The following NEURL1B variants were observed in gnomAD, a reference collection of about 807,000 sequenced individuals.
The protein encoded by NEURL1B is neuralized E3 ubiquitin protein ligase 1B.
A neutral mutation model predicts 37.4 loss-of-function variants in NEURL1B; 13 were observed. The observed-to-expected ratio is 0.35, with a 90% CI of 0.23 to 0.55. NEURL1B has a LOEUF of 0.55. Ranked by LOEUF, NEURL1B falls within the 20% of genes least tolerant of loss-of-function variation. NEURL1B has a pLI of 0.89. For synonymous variants in NEURL1B, 432 were observed against 426.6 expected (o/e 1.01, Z -0.16); for missense variants, 790 against 879.2 (o/e 0.90, Z 1.28).
At chr5:172,662,821 C>T (rs1757926963) in intron 1 of NEURL1B, among the ~76,000 whole-genome samples, 1 of 147,166 alleles carries the variant, frequency 6.8e-6, no homozygotes, top group Non-Finnish European at 1.5e-5. Context: ...CACTCATCAC[C>T]CACCCTCCAA....
chr5:172,651,304 G>A (rs538267717), intron 1 of NEURL1B, among the ~76,000 whole-genome samples: 1 of 152,268 alleles, frequency 6.6e-6, no homozygotes, highest in African/African-American at 2.4e-5. Flanking sequence ...GTTTTTATGA[G>A]CCTTTGCATC....
rs1055447159 is a variant in NEURL1B at position 172,675,270 on chromosome 5, AC to A, written c.577+4943del. On this transcript the variant is annotated intron_variant, in intron 2 of 4. Transcript: ENST00000369800. The surrounding 1 kb of genome is among the most constrained non-coding windows in gnomAD (Gnocchi z 4.7). ...TTATTCTGTTTTTCTTTTTCCACTC[AC>A]CCTTCTTTAGGATCTATCTGTACTG... Among the ~76,000 whole-genome samples the A allele has an allele frequency of 1.6e-4, 25 of 151,736 alleles. No homozygotes were observed. Among genetic ancestry groups the A allele is most frequent in the African/African-American group, 6.1e-4 (25 of 41,270 alleles).
intron 2 of NEURL1B, among the ~76,000 whole-genome samples, chr5:172,673,638 G>A (rs773048740): frequency 1.3e-5 from 2 of 152,052 alleles, no homozygotes; most frequent in Non-Finnish European, 2.9e-5. Context: ...CACTCTTGTT[G>A]CTCAGGCTGG....
At chr5:172,681,390 C>T (rs1326282670) in intron 2 of NEURL1B, among the ~76,000 whole-genome samples, 1 of 152,200 alleles carries the variant, frequency 6.6e-6, no homozygotes, top group Non-Finnish European at 1.5e-5. Context: ...ATGATACAGA[C>T]AGATGTAGAC....
rs2113317527 is a variant in NEURL1B, at chr5:172,676,208, GA to G, written c.577+5880del. ...GTCTCATGTGGCTGAAAATTCCTGG[GA>G]ATGGTTGCCTTTAAGCCTGGCTCAA... On this transcript the variant is annotated intron_variant, in intron 2 of 4. Coordinates refer to ENST00000369800, the MANE Select transcript of NEURL1B (RefSeq NM_001142651.3). The surrounding 1 kb of genome is among the most constrained non-coding windows in gnomAD (Gnocchi z 4.5). Among the ~76,000 whole-genome samples, 1 of 151,966 alleles carries G rather than the reference GA, an allele frequency of 6.6e-6. No homozygotes were observed. Among genetic ancestry groups the G allele is most frequent in the East Asian group, 1.9e-4 (1 of 5,180 alleles).
rs1459074928 is a variant in NEURL1B at position 172,686,619 on chromosome 5, C to T, written c.1424-62C>T. On this transcript the variant is annotated intron_variant, in intron 4 of 4. Coordinates refer to ENST00000369800, the MANE Select transcript of NEURL1B (RefSeq NM_001142651.3). The surrounding 1 kb of genome is among the most constrained non-coding windows in gnomAD (Gnocchi z 7.9). ...AAGAAGCCCTGCATTCTCGGGGTTG[C>T]CCCAACAGAGCCCACCTGAGAGAGA... 10 of 1,509,554 alleles carry T rather than the reference C, an allele frequency of 6.6e-6. No individual in the cohort carries two copies. The highest frequency in any genetic ancestry group is 8.9e-6 in the Non-Finnish European group (10 of 1,119,048). 93.5% of individuals were successfully genotyped at this position (1,509,554 alleles called of 1,614,324 possible). A position where few individuals can be genotyped will look rare whatever the true frequency, so the allele number is the denominator to read the frequency against.
rs529582054 is a variant in NEURL1B at position 172,683,891 on chromosome 5, A to G, written c.1050A>G (p.Leu350=). Residue 350 remains leucine (L), a synonymous_variant, in exon 3 of 5, where the codon CTA becomes CTG. Transcript: ENST00000369800. This position sits in a 1 kb window ranked among gnomAD's most constrained non-coding sequence, Gnocchi z 5.6. ...FGITSCDPGV[L]RPNELPADPD... Reference sequence around the variant, plus strand: ...TCACGTCGTGCGACCCGGGCGTGCTACGGCCCAACGAGCTGCCCGCCGACC... The same window carrying G: ...TCACGTCGTGCGACCCGGGCGTGCTGCGGCCCAACGAGCTGCCCGCCGACC... The G allele has an allele frequency of 8.7e-4, 1,226 of 1,411,914 alleles. 8 individuals carry two copies. In the African/African-American group the frequency reaches 0.016, roughly 18 times the overall value. The allele number at this position is 1,411,914 out of a possible 1,614,324, so 87.5% of individuals were successfully genotyped here. A position where few individuals can be genotyped will look rare whatever the true frequency, so the allele number is the denominator to read the frequency against.
At position 172,686,043 on chromosome 5, in the gene NEURL1B, A is replaced by G; in HGVS notation, c.1298-128A>G. 1 of 1,126,784 alleles carries G rather than the reference A, an allele frequency of 8.9e-7. No homozygotes were observed. The highest frequency in any genetic ancestry group is 1.2e-6 in the Non-Finnish European group (1 of 806,236). The allele number at this position is 1,126,784 out of a possible 1,614,324, so 69.8% of individuals were successfully genotyped here. On this transcript the variant is annotated intron_variant, in intron 3 of 4. Transcript: ENST00000369800. This position sits in a 1 kb window ranked among gnomAD's most constrained non-coding sequence, Gnocchi z 7.9. Reference sequence around the variant, plus strand: ...GGATGCACTCTTCACTCCTCAGCAGAACCCTGGGAGATACCTCTGGTCCTC... The same window carrying G: ...GGATGCACTCTTCACTCCTCAGCAGGACCCTGGGAGATACCTCTGGTCCTC...
intron 1 of NEURL1B, among the ~76,000 whole-genome samples, chr5:172,652,583 G>C (rs544069657): frequency 6.6e-6 from 1 of 152,288 alleles, no homozygotes; most frequent in East Asian, 1.9e-4. Flanking sequence ...GACCAACTAC[G>C]GCATAAAAGC....
chr5:172,655,379 C>A (rs1414866077), intron 1 of NEURL1B, among the ~76,000 whole-genome samples: 1 of 152,180 alleles, frequency 6.6e-6, no homozygotes, highest in Non-Finnish European at 1.5e-5. Context: ...CCTTTGCACA[C>A]TTCCCACTTG....
chr5:172,642,345 C>G (rs1757480368), intron 1 of NEURL1B, among the ~76,000 whole-genome samples: 2 of 152,222 alleles, frequency 1.3e-5, no homozygotes, highest in African/African-American at 4.8e-5. Context: ...GGACCTGTGT[C>G]TCTCTGCCCT....
At position 172,686,164 on chromosome 5, in the gene NEURL1B, G is replaced by A. The variant is rs1758491253; in HGVS notation, c.1298-7G>A. The stretch of plus-strand genomic sequence containing the variant: ...ACTGCCCCTGATGGAATCTCTTTGG[G>A]CCTCAGGTACCCTGCAGTCCAGCCC... On this transcript the variant is annotated splice_polypyrimidine_tract_variant and splice_region_variant and intron_variant, in intron 3 of 4. Transcript: ENST00000369800. This position sits in a 1 kb window ranked among gnomAD's most constrained non-coding sequence, Gnocchi z 7.9. The A allele has an allele frequency of 2.6e-6, 4 of 1,551,406 alleles. No individual in the cohort carries two copies. Among genetic ancestry groups the A allele is most frequent in the Non-Finnish European group, 3.5e-6 (4 of 1,146,872 alleles).
At position 172,641,451 on chromosome 5, in the gene NEURL1B, C is replaced by G. The variant is rs1757457784; in HGVS notation, c.31+14C>G. On this transcript the variant is annotated intron_variant, in intron 1 of 4. Coordinates refer to ENST00000369800, the MANE Select transcript of NEURL1B (RefSeq NM_001142651.3). The surrounding 1 kb of genome is among the most constrained non-coding windows in gnomAD (Gnocchi z 6.4). ...GGACCCTGCCAGGTACGCCGGGGAG[C>G]CCTGCCCGGGAGGCGGGCGCCGGGC... 2 of 1,315,638 alleles carry G rather than the reference C, an allele frequency of 1.5e-6. No homozygotes were observed. The highest frequency in any genetic ancestry group is 1.5e-5 in the African/African-American group (1 of 64,806). 81.5% of individuals were successfully genotyped at this position (1,315,638 alleles called of 1,614,324 possible).
intron 2 of NEURL1B, among the ~76,000 whole-genome samples, chr5:172,680,162 C>G (rs1758320838): frequency 6.6e-6 from 1 of 152,194 alleles, no homozygotes; most frequent in Non-Finnish European, 1.5e-5. Context: ...TAGTGCCATG[C>G]TCTGTATTAC....
At position 172,683,458 on chromosome 5, in the gene NEURL1B, G is replaced by T; in HGVS notation, c.617G>T (p.Ser206Ile). 1 of 1,470,738 alleles carries T rather than the reference G, an allele frequency of 6.8e-7. No individual in the cohort carries two copies. The highest frequency in any genetic ancestry group is 9.0e-7 in the Non-Finnish European group (1 of 1,114,394). The allele number at this position is 1,470,738 out of a possible 1,614,324, so 91.1% of individuals were successfully genotyped here. A position where few individuals can be genotyped will look rare whatever the true frequency, so the allele number is the denominator to read the frequency against. ...FADTLTPARL[S>I]QARFSACLPP... ...GACACGCTGACGCCCGCGCGCCTCA[G>T]CCAGGCCCGCTTCAGCGCCTGCCTG... Residue 206 changes from serine (S) to isoleucine (I), a missense_variant, in exon 3 of 5, where the codon AGC becomes ATC. Physicochemically the swap from Ser to Ile is moderately radical, Grantham distance 142. Transcript: ENST00000369800. This position sits in a 1 kb window ranked among gnomAD's most constrained non-coding sequence, Gnocchi z 5.6.
chr5:172,672,540 T>TA (rs146841497), intron 2 of NEURL1B, among the ~76,000 whole-genome samples: 3 of 136,202 alleles, frequency 2.2e-5, no homozygotes, highest in African/African-American at 8.3e-5. Context: ...AGGTGAACTC[T>TA]CCCCCCCCCA....
chr5:172,673,279 G>A (rs1407346172), intron 2 of NEURL1B, among the ~76,000 whole-genome samples: 1 of 152,114 alleles, frequency 6.6e-6, no homozygotes, highest in Admixed American at 6.5e-5. Flanking sequence ...ATACCTGGGA[G>A]AATTTGGCTT....
At chr5:172,674,472 C>T (rs939212143) in intron 2 of NEURL1B, among the ~76,000 whole-genome samples, 8 of 152,116 alleles carry the variant, frequency 5.3e-5, no homozygotes, top group Non-Finnish European at 8.8e-5. Context: ...ACCACCAAGA[C>T]GGTCAGTGGC....
Position 172,690,162 on chromosome 5 carries a change from C to T in NEURL1B, c.*3237C>T, listed in dbSNP as rs573903760. ...GGACAGGGGACACCTGAAAACACCC[C>T]GTTGTTCATGGTCTTGTGCCCATTC... On this transcript the variant is annotated 3_prime_UTR_variant, in exon 5 of 5. Transcript: ENST00000369800. 18 of 152,308 alleles carry T rather than the reference C, an allele frequency of 1.2e-4. No individual in the cohort carries two copies. The highest frequency in any genetic ancestry group is 2.1e-4 in the South Asian group (1 of 4,832). The allele number at this position is 152,308 out of a possible 1,614,324, so 9.4% of individuals were successfully genotyped here.
Sources: allele counts gnomAD v4.1 joint callset (sites outside exome capture counted in the v4.1 genomes callset), GRCh38; gene constraint gnomAD v4.1.1; non-coding constraint Gnocchi (gnomAD v3.1); transcripts MANE v1.5; gene names NCBI Gene and HGNC (gene_info 2026-07-23, HGNC 2026-07-21).